UGT2B7: variants seen among roughly 807,000 people sequenced by gnomAD.
The protein encoded by UGT2B7 is UDP glucuronosyltransferase family 2 member B7.
UGT2B7 carries 51 observed loss-of-function variants against 51.9 expected under a neutral mutation model. The observed-to-expected ratio is 0.98, with a 90% confidence interval of 0.78 to 1.24. The LOEUF (loss-of-function observed/expected upper bound fraction) is 1.24, where lower values mean the gene tolerates loss of function less well. Among genes scored for constraint, UGT2B7 ranks in the 50% most tolerant of loss-of-function variants. The pLI is 0.00. For missense variants in UGT2B7, 727 were observed against 628.4 expected (o/e 1.16, Z -1.68); for synonymous variants, 225 against 211.6 (o/e 1.06, Z -0.55).
chr4:69,070,010 G>A (rs987794077), intron 1 of UGT2B7: 1 of 151,872 alleles, frequency 6.6e-6, no homozygotes, highest in Non-Finnish European at 1.5e-5. Flanking sequence ...GTGCCTTCTT[G>A]ATTTGTTTGA....
chr4:69,107,343 T>A, intron 4 of UGT2B7, 81 bp downstream of exon 4: 1 of 1,411,444 alleles, frequency 7.1e-7, no homozygotes, highest in Non-Finnish European at 9.6e-7. Context: ...AACAAGCTTA[T>A]TGAATATTTG....
chr4:69,092,521 C>T (rs541517834), upstream of UGT2B7, among the ~76,000 whole-genome samples: 1 of 141,736 alleles, frequency 7.1e-6, no homozygotes, highest in South Asian at 2.3e-4. Flanking sequence ...ACTTCTAGCT[C>T]CACCTTCCTA....
chr4:69,086,972 C>T (rs1211622363), intron 1 of UGT2B7, among the ~76,000 whole-genome samples: 1 of 151,812 alleles, frequency 6.6e-6, no homozygotes, highest in East Asian at 1.9e-4. Flanking sequence ...TGTAATATTA[C>T]TAATAGATAA....
chr4:69,093,213 A>G (rs1719128513), upstream of UGT2B7, among the ~76,000 whole-genome samples: 1 of 152,164 alleles, frequency 6.6e-6, no homozygotes, highest in South Asian at 2.1e-4. Context: ...TCTGCAACCT[A>G]CTTGAAGAAG....
At chr4:69,102,312 C>T (rs1719443153) in intron 2 of UGT2B7, among the ~76,000 whole-genome samples, 1 of 152,068 alleles carries the variant, frequency 6.6e-6, no homozygotes, top group Non-Finnish European at 1.5e-5. Flanking sequence ...AGTAGCTTAT[C>T]CTCAGAGCTC....
chr4:69,081,049 A>C (rs1423810640), intron 1 of UGT2B7, among the ~76,000 whole-genome samples: 1 of 152,210 alleles, frequency 6.6e-6, no homozygotes, highest in Non-Finnish European at 1.5e-5. Context: ...ATGAGTCTCC[A>C]AGGAAGTTAT....
At chr4:69,094,660 C>T (rs571495804), upstream of UGT2B7, among the ~76,000 whole-genome samples, 1 of 152,224 alleles carries the variant, frequency 6.6e-6, no homozygotes, top group African/African-American at 2.4e-5. Context: ...TTGGTGGTGG[C>T]CGCTAGTACT....
chr4:69,061,495 C>T (rs895483526), intron 1 of UGT2B7, among the ~76,000 whole-genome samples: 1 of 152,154 alleles, frequency 6.6e-6, no homozygotes, highest in East Asian at 1.9e-4. Flanking sequence ...CTGGAGATTC[C>T]CCTTCCAGGG....
chr4:69,071,573 C>T (rs1333378644), intron 1 of UGT2B7, among the ~76,000 whole-genome samples: 1 of 151,982 alleles, frequency 6.6e-6, no homozygotes. Context: ...AGAGATGTGT[C>T]TAAAACAGTT....
chr4:69,062,121 G>A (rs1168823278), intron 1 of UGT2B7, among the ~76,000 whole-genome samples: 2 of 152,104 alleles, frequency 1.3e-5, no homozygotes, highest in African/African-American at 4.8e-5. Context: ...AGTAAAGATG[G>A]AGCACATGAA....
At chr4:69,053,068 G>A (rs532461351) in intron 1 of UGT2B7, among the ~76,000 whole-genome samples, 1 of 152,100 alleles carries the variant, frequency 6.6e-6, no homozygotes, top group South Asian at 2.1e-4. Context: ...TTTTCTTAAA[G>A]CATCAACCTG....
chr4:69,090,478 A>G (rs1719062241), intron 2 of UGT2B7, among the ~76,000 whole-genome samples: 1 of 97,544 alleles, frequency 1.0e-5, no homozygotes, highest in African/African-American at 5.0e-5. Flanking sequence ...AATTAAAAAT[A>G]AATTAATATA....
intron 5 of UGT2B7, among the ~76,000 whole-genome samples, chr4:69,110,169 A>T (rs1399781900): frequency 1.3e-5 from 2 of 152,070 alleles, no homozygotes; most frequent in African/African-American, 4.8e-5. Flanking sequence ...CAATAAACAT[A>T]TATGTATCAT....
chr4:69,067,140 C>T (rs1264371406), intron 1 of UGT2B7, among the ~76,000 whole-genome samples: 1 of 152,144 alleles, frequency 6.6e-6, no homozygotes, highest in East Asian at 1.9e-4. Flanking sequence ...ACAGTGTTCT[C>T]TATTTGTCCA....
rs912146472 is a variant in UGT2B7 at position 69,059,878 on chromosome 4, G to A, written c.-159+8276G>A. Among the ~76,000 whole-genome samples, 4 of 152,160 alleles carry A rather than the reference G, an allele frequency of 2.6e-5. No individual in the cohort carries two copies. In the East Asian group the frequency reaches 5.8e-4, roughly 22 times the overall value. On this transcript the variant is annotated intron_variant, in intron 1 of 5. Transcript: ENST00000502942. ...GTGCCAAACCCATATACTTTAATGG[G>A]ACATATTCCAGCAAGTGCCACTTGA...
intron 1 of UGT2B7, among the ~76,000 whole-genome samples, chr4:69,078,391 C>A (rs1309677944): frequency 2.0e-5 from 3 of 152,092 alleles, no homozygotes; most frequent in African/African-American, 2.4e-5. Context: ...CCTCTTTGTA[C>A]CTCTGGTAGA....
At position 69,090,539 on chromosome 4, in the gene UGT2B7, C is replaced by T. The variant is rs148826008; in HGVS notation, c.-27+936C>T. Among the ~76,000 whole-genome samples, 582 of 151,878 alleles carry T rather than the reference C, an allele frequency of 3.8e-3. 2 individuals are homozygous for T. The highest frequency in any genetic ancestry group is 0.014 in the African/African-American group (561 of 41,472). On this transcript the variant is annotated intron_variant, in intron 2 of 5. Coordinates refer to the UGT2B7 transcript ENST00000502942. ...GAAAAAAAGCAGAAAGTAAAGACAACTAACTATCCAAAAACAAACAGCAAA... is the reference window on the plus strand; with the variant it reads ...GAAAAAAAGCAGAAAGTAAAGACAATTAACTATCCAAAAACAAACAGCAAA...
Position 69,112,849 on chromosome 4 carries a change from A to G in UGT2B7, c.*113A>G. ...TTCTTCCTGAGACAAAAAAAAAAAA[A>G]GAAAAAAAAATCTTTTCAAAATTTA... On this transcript the variant is annotated 3_prime_UTR_variant, in exon 6 of 6. Coordinates refer to ENST00000305231, the MANE Select transcript of UGT2B7 (RefSeq NM_001074.4). The G allele has an allele frequency of 2.7e-5, 37 of 1,353,448 alleles. No individual in the cohort carries two copies. The highest frequency in any genetic ancestry group is 5.3e-5 in the East Asian group (2 of 37,506). The allele number at this position is 1,353,448 out of a possible 1,614,324, so 83.8% of individuals were successfully genotyped here.
intron 1 of UGT2B7, among the ~76,000 whole-genome samples, chr4:69,062,849 A>G (rs1279482989): frequency 6.6e-6 from 1 of 152,196 alleles, no homozygotes; most frequent in East Asian, 1.9e-4. Flanking sequence ...TCTTAGGCCC[A>G]GTAATCTTCT....
Sources: allele counts gnomAD v4.1 joint callset (sites outside exome capture counted in the v4.1 genomes callset), GRCh38; gene constraint gnomAD v4.1.1; transcripts MANE v1.5; gene names NCBI Gene and HGNC (gene_info 2026-07-23, HGNC 2026-07-21).